Variants in AIF1L observed in about 807,000 individuals in gnomAD.
AIF1L encodes allograft inflammatory factor 1 like, also known as allograft inflammatory factor 1-like.
In AIF1L, 12 loss-of-function variants were observed where a neutral mutation model predicts 20.7. That is an observed-to-expected ratio of 0.58 (90% CI 0.37 to 0.94). The LOEUF is 0.94. AIF1L is among the 40% of genes least tolerant of loss of function. The probability of loss-of-function intolerance (pLI) is 0.01; values close to 1 mark genes in which losing one functional copy is unlikely to be tolerated. For synonymous variants in AIF1L, 76 were observed against 65.1 expected, an observed-to-expected ratio of 1.17 and a Z score of -0.81; for missense variants, 173 against 185.3, an observed-to-expected ratio of 0.93 and a Z score of 0.39.
chr9:131,120,947 A>C lies in AIF1L; in HGVS notation c.*625A>C, dbSNP rs531977405. ...ATTGGGAGCCCTTCAAGAAGGTACC[A>C]GAAGGAACCCTCCAGTCCTGCTCTC... On this transcript the variant is annotated 3_prime_UTR_variant, in exon 6 of 6. Transcript: ENST00000247291. The C allele has an allele frequency of 1.9e-6, 1 of 514,422 alleles. No individual in the cohort carries two copies. The highest frequency in any genetic ancestry group is 1.9e-5 in the African/African-American group (1 of 51,518). The allele number at this position is 514,422 out of a possible 1,614,324, so 31.9% of individuals were successfully genotyped here.
At position 131,121,720 on chromosome 9, in the gene AIF1L, G is replaced by A. The variant is rs140336599; in HGVS notation, c.*1398G>A. 2.6e-5 allele frequency: 4 copies of A among 152,526 alleles called. No homozygotes were observed. Among genetic ancestry groups the A allele is most frequent in the African/African-American group, 9.6e-5 (4 of 41,584 alleles). 9.4% of individuals were successfully genotyped at this position (152,526 alleles called of 1,614,324 possible). On this transcript the variant is annotated 3_prime_UTR_variant, in exon 6 of 6. Coordinates refer to ENST00000247291, the MANE Select transcript of AIF1L (RefSeq NM_031426.4). ...GCCTCCAAGGTCAACACTTGGAGAGGGTTTCACTTGCTCTGAAGACCCTGG... is the reference window on the plus strand; with the variant it reads ...GCCTCCAAGGTCAACACTTGGAGAGAGTTTCACTTGCTCTGAAGACCCTGG...
At position 131,111,167 on chromosome 9, in the gene AIF1L, A is replaced by C. The variant is rs540555130; in HGVS notation, c.94-430A>C. Among the ~76,000 whole-genome samples the C allele has an allele frequency of 2.9e-4, 28 of 96,346 alleles. No homozygotes were observed. The South Asian group carries it at 0.013, about 44-fold the overall frequency. The allele number at this position is 96,346 out of a possible 152,430, so 63.2% of individuals were successfully genotyped here. On this transcript the variant is annotated intron_variant, in intron 2 of 5. Transcript: ENST00000247291. ...CACCAGCCTGGGGGACAAGAGCAAG[A>C]CTTCTTAAAAAAAAAAAAAAAAAAG...
In AIF1L at chr9:131,096,877, C is replaced by G; in HGVS notation, c.93+14C>G. On this transcript the variant is annotated intron_variant, in intron 2 of 5. Coordinates refer to ENST00000247291, the MANE Select transcript of AIF1L (RefSeq NM_031426.4). ...GAGATCAACCGGGTAAGCCCCGCGC[C>G]CAGGGCAGCACGCGAGTCCCGAGCC... is the stretch of plus-strand genomic sequence containing the variant. The G allele has an allele frequency of 6.5e-7, 1 of 1,528,590 alleles. No individual in the cohort carries two copies. 94.7% of individuals were successfully genotyped at this position (1,528,590 alleles called of 1,614,324 possible). A position where few individuals can be genotyped will look rare whatever the true frequency, so the allele number is the denominator to read the frequency against.
intron 5 of AIF1L, among the ~76,000 whole-genome samples, chr9:131,119,750 C>T (rs965429940): frequency 2.0e-5 from 3 of 152,172 alleles, no homozygotes; most frequent in Non-Finnish European, 1.5e-5. Context: ...GCTTGAGCCA[C>T]CCGGCTGGGA....
intron 2 of AIF1L, among the ~76,000 whole-genome samples, chr9:131,109,328 G>A (rs758115233): frequency 4.6e-5 from 7 of 152,162 alleles, no homozygotes; most frequent in Non-Finnish European, 8.8e-5. Flanking sequence ...GGAGGTCGAG[G>A]TGGGCGGATC....
At chr9:131,109,754 G>T (rs1294962297) in intron 2 of AIF1L, among the ~76,000 whole-genome samples, 1 of 152,104 alleles carries the variant, frequency 6.6e-6, no homozygotes. Flanking sequence ...CTCATTGGTC[G>T]CTTTTTGCTG....
chr9:131,114,691 G>A (rs376935311), intron 4 of AIF1L, 73 bp downstream of exon 4: 66 of 1,577,694 alleles, frequency 4.2e-5, no homozygotes, highest in Non-Finnish European at 5.1e-5. Flanking sequence ...CCCTCTGTGC[G>A]GGTGAGGGGC....
chr9:131,113,359 G>T (rs1239239464), intron 3 of AIF1L, among the ~76,000 whole-genome samples: 1 of 151,922 alleles, frequency 6.6e-6, no homozygotes, highest in African/African-American at 2.4e-5. Flanking sequence ...TTAGCTGTAT[G>T]TGGTGGTGGG....
intron 3 of AIF1L, among the ~76,000 whole-genome samples, chr9:131,112,828 T>C (rs952457368): frequency 9.9e-5 from 15 of 152,180 alleles, no homozygotes; most frequent in African/African-American, 3.6e-4. Flanking sequence ...TATTCCCTTC[T>C]GTCTGCATAC....
chr9:131,106,821 T>G (rs1830761931), intron 2 of AIF1L, among the ~76,000 whole-genome samples: 1 of 150,386 alleles, frequency 6.6e-6, no homozygotes, highest in East Asian at 2.0e-4. Flanking sequence ...TGAGGCTGGG[T>G]GTGGTGGCTC....
At chr9:131,105,463 C>G (rs766042449) in intron 2 of AIF1L, among the ~76,000 whole-genome samples, 1 of 152,144 alleles carries the variant, frequency 6.6e-6, no homozygotes, top group Non-Finnish European at 1.5e-5. Context: ...ATTCCGGGTT[C>G]AGACAATTCT....
chr9:131,097,137 G>T (rs913931644), intron 2 of AIF1L, among the ~76,000 whole-genome samples: 1 of 152,156 alleles, frequency 6.6e-6, no homozygotes, highest in Non-Finnish European at 1.5e-5. Context: ...TCGGATGCCA[G>T]CCGGCTCGTG....
chr9:131,107,160 G>A (rs1830772178), intron 2 of AIF1L, among the ~76,000 whole-genome samples: 1 of 152,188 alleles, frequency 6.6e-6, no homozygotes, highest in Non-Finnish European at 1.5e-5. Flanking sequence ...GTTGGTGAGG[G>A]AGAGAACCAC....
intron 2 of AIF1L, among the ~76,000 whole-genome samples, chr9:131,104,104 C>T (rs1435228544): frequency 1.3e-5 from 2 of 152,174 alleles, no homozygotes; most frequent in Non-Finnish European, 2.9e-5. Context: ...GCCTGTGTGT[C>T]ACCCCCCAGC....
intron 2 of AIF1L, among the ~76,000 whole-genome samples, chr9:131,107,630 A>G (rs771465616): frequency 2.6e-5 from 4 of 152,230 alleles, no homozygotes; most frequent in Non-Finnish European, 4.4e-5. Flanking sequence ...TCCTACTTTT[A>G]TGAAATGTTC....
chr9:131,113,954 G>A (rs1830950321), intron 3 of AIF1L: 1 of 155,424 alleles, frequency 6.4e-6, no homozygotes, highest in Non-Finnish European at 1.4e-5. Flanking sequence ...CCACTGCTCC[G>A]ACATCCTCCC....
At chr9:131,105,531 G>A (rs1022527899) in intron 2 of AIF1L, among the ~76,000 whole-genome samples, 10 of 151,926 alleles carry the variant, frequency 6.6e-5, no homozygotes, top group Non-Finnish European at 1.3e-4. Flanking sequence ...TTTTAGTAGA[G>A]ACAGGATTTC....
intron 2 of AIF1L, chr9:131,106,087 G>A: frequency 7.4e-7 from 1 of 1,345,492 alleles, no homozygotes; most frequent in Non-Finnish European, 1.0e-6. Flanking sequence ...CTCAACAGAT[G>A]TTTATTGAGT....
At chr9:131,102,872 GC>G (rs1564164161) in intron 2 of AIF1L, 1 of 456,300 alleles carries the variant, frequency 2.2e-6, no homozygotes, top group South Asian at 1.5e-5. Flanking sequence ...TGAGCCACCA[GC>G]CCCTTGGATG....
Sources: gnomAD v4.1 joint callset for allele counts (sites outside exome capture counted in the v4.1 genomes callset) on GRCh38, gnomAD v4.1.1 for gene constraint, MANE v1.5 for transcripts, NCBI Gene and HGNC (gene_info 2026-07-23, HGNC 2026-07-21) for gene names.